The following RAB20 variants were observed in gnomAD, a reference collection of about 807,000 sequenced individuals.
The protein encoded by RAB20 is RAB20, member RAS oncogene family.
In RAB20, 2 loss-of-function variants were observed where a neutral mutation model predicts 3.7. The ratio of observed to expected loss-of-function variants is 0.54; its 90% confidence interval spans 0.22 to 1.69. The LOEUF (loss-of-function observed/expected upper bound fraction) is 1.69, where lower values mean the gene tolerates loss of function less well. Among genes scored for constraint, RAB20 ranks in the 40% most tolerant of loss-of-function variants. RAB20 has a pLI of 0.19. For missense variants in RAB20, 276 were observed against 311.9 expected (o/e 0.88, Z 0.87); for synonymous variants, 126 against 130.8 (o/e 0.96, Z 0.25).
chr13:110,537,303 C>T (rs1247921094), intron 1 of RAB20, among the ~76,000 whole-genome samples: 1 of 151,946 alleles, frequency 6.6e-6, no homozygotes, highest in Non-Finnish European at 1.5e-5. Flanking sequence ...AGCTACCACG[C>T]CCGGCCGCTT....
intron 1 of RAB20, among the ~76,000 whole-genome samples, chr13:110,536,986 G>T (rs1188265956): frequency 3.7e-5 from 4 of 109,568 alleles, no homozygotes; most frequent in Non-Finnish European, 3.4e-5. Flanking sequence ...GTGTCCAAGT[G>T]TTTTTTTTTG....
intron 1 of RAB20, among the ~76,000 whole-genome samples, chr13:110,558,398 T>TTTTC (rs1555336736): frequency 4.8e-5 from 7 of 145,570 alleles, no homozygotes; most frequent in Admixed American, 6.9e-5. Context: ...TTTTTTTTTT[T>TTTTC]TTGAGACAGA....
chr13:110,535,924 T>C (rs1430669414), intron 1 of RAB20, among the ~76,000 whole-genome samples: 2 of 152,238 alleles, frequency 1.3e-5, no homozygotes, highest in African/African-American at 4.8e-5. Context: ...TTCAAAAATA[T>C]ACATTCAAGT....
intron 1 of RAB20, among the ~76,000 whole-genome samples, chr13:110,559,056 G>A (rs914130638): frequency 1.9e-4 from 29 of 152,190 alleles, no homozygotes; most frequent in African/African-American, 7.0e-4. Flanking sequence ...CAATGGAATA[G>A]GGTAATGTAC....
chr13:110,561,529 AG>A lies in RAB20; in HGVS notation c.-11del, dbSNP rs779087546. On this transcript the variant is annotated 5_prime_UTR_variant, in exon 1 of 2. Transcript: ENST00000267328. ...TGTCGGGCTTCCTCATCTTCCCGTA[AG>A]AACCCCCAGCGCCCCCGCGCCCTCT... 1 of 1,554,530 alleles carries A rather than the reference AG, an allele frequency of 6.4e-7. No individual in the cohort carries two copies. Among genetic ancestry groups the A allele is most frequent in the East Asian group, 2.5e-5 (1 of 40,278 alleles).
intron 1 of RAB20, among the ~76,000 whole-genome samples, chr13:110,557,854 G>A (rs1476184528): frequency 3.9e-5 from 6 of 152,270 alleles, no homozygotes. Flanking sequence ...AAACAAATGT[G>A]GAGAGCATTC....
At chr13:110,540,830 C>T (rs927890768) in intron 1 of RAB20, among the ~76,000 whole-genome samples, 4 of 152,054 alleles carry the variant, frequency 2.6e-5, no homozygotes, top group Middle Eastern at 3.4e-3. Flanking sequence ...GGAATATATA[C>T]GTATCTCTCT....
intron 1 of RAB20, among the ~76,000 whole-genome samples, chr13:110,528,413 C>CAAAA (rs11386477): frequency 4.2e-4 from 51 of 122,174 alleles, no homozygotes; most frequent in Non-Finnish European, 5.0e-4. Context: ...AACTCCATCT[C>CAAAA]AAAAAAAAAA....
Position 110,523,706 on chromosome 13 carries a change from G to T in RAB20, c.664C>A (p.His222Asn). The T allele has an allele frequency of 1.2e-6, 2 of 1,614,076 alleles. No individual in the cohort carries two copies. Among genetic ancestry groups the T allele is most frequent in the Non-Finnish European group, 1.7e-6 (2 of 1,180,054 alleles). The part of the protein sequence containing the change: ...RPSHTVDISS[H>N]KPPKRTRSGC... Reference sequence around the variant, plus strand: ...GATCTGGTCCTCTTGGGTGGCTTATGACTGGATATATCCACTGTGTGTGAC... The same window carrying T: ...GATCTGGTCCTCTTGGGTGGCTTATTACTGGATATATCCACTGTGTGTGAC... Residue 222 changes from histidine to asparagine, a missense_variant, in exon 2 of 2, where the codon CAT becomes AAT. Coordinates refer to ENST00000267328, the MANE Select transcript of RAB20 (RefSeq NM_017817.3).
chr13:110,561,411 C>T lies in RAB20; in HGVS notation c.109G>A (p.Val37Met), dbSNP rs781411622. ...ERRFPDTVST[V>M]GGAFYLKQWR... ...TGCTTCAGGTAGAAGGCGCCGCCCA[C>T]CGTGCTGACCGTGTCCGGGAAGCGC... is the stretch of plus-strand genomic sequence containing the variant. The change falls in exon 1 of 2, where the codon GTG (valine) becomes ATG (methionine). Residue 37 changes from valine (V) to methionine (M), a missense_variant. By Grantham distance (21) the Val-to-Met change is conservative (BLOSUM62 1). Transcript: ENST00000267328. 6.2e-7 allele frequency: 1 copy of T among 1,609,734 alleles called. No individual in the cohort carries two copies.
At chr13:110,548,926 C>A (rs1884901376) in intron 1 of RAB20, among the ~76,000 whole-genome samples, 1 of 152,234 alleles carries the variant, frequency 6.6e-6, no homozygotes, top group East Asian at 1.9e-4. Context: ...TAAATGCCTG[C>A]TGCTCTCACA....
chr13:110,535,642 CT>C (rs1415402134), intron 1 of RAB20, among the ~76,000 whole-genome samples: 2 of 152,254 alleles, frequency 1.3e-5, no homozygotes, highest in African/African-American at 4.8e-5. Context: ...CATTAAATGC[CT>C]GTGCAGTGAC....
chr13:110,523,703 T>A lies in RAB20; in HGVS notation c.667A>T (p.Lys223Ter). 1 of 1,614,174 alleles carries A rather than the reference T, an allele frequency of 6.2e-7. No individual in the cohort carries two copies. Among genetic ancestry groups the A allele is most frequent in the Non-Finnish European group, 8.5e-7 (1 of 1,180,024 alleles). Residue 223 changes from lysine to a stop codon, truncating the protein, a stop_gained, in exon 2 of 2, where the codon AAG becomes TAG. Coordinates refer to ENST00000267328, the MANE Select transcript of RAB20 (RefSeq NM_017817.3). LOFTEE classifies it high-confidence loss of function. ...PSHTVDISSH[K>*]PPKRTRSGCC... Reference sequence around the variant, plus strand: ...CCAGATCTGGTCCTCTTGGGTGGCTTATGACTGGATATATCCACTGTGTGT... The same window carrying A: ...CCAGATCTGGTCCTCTTGGGTGGCTAATGACTGGATATATCCACTGTGTGT...
chr13:110,543,963 T>C (rs1443699330), intron 1 of RAB20, among the ~76,000 whole-genome samples: 1 of 151,964 alleles, frequency 6.6e-6, no homozygotes, highest in Non-Finnish European at 1.5e-5. Flanking sequence ...TTAGTAGAGA[T>C]GTGGTTTCAC....
intron 1 of RAB20, among the ~76,000 whole-genome samples, chr13:110,551,933 A>T (rs1330877932): frequency 1.7e-4 from 7 of 42,312 alleles, no homozygotes; most frequent in African/African-American, 3.1e-4. Flanking sequence ...AAAAAAAAAA[A>T]ATACAAAAAT....
At chr13:110,556,423 C>T (rs749175065) in intron 1 of RAB20, among the ~76,000 whole-genome samples, 3 of 152,214 alleles carry the variant, frequency 2.0e-5, no homozygotes, top group Non-Finnish European at 4.4e-5. Flanking sequence ...TCCCTTCAGC[C>T]TCCAGAAAGG....
intron 1 of RAB20, among the ~76,000 whole-genome samples, chr13:110,527,768 T>C (rs1050796274): frequency 6.6e-6 from 1 of 152,084 alleles, no homozygotes. Flanking sequence ...CAGAAGATGA[T>C]GATCAAAAGC....
At chr13:110,536,115 G>A (rs1452512629) in intron 1 of RAB20, among the ~76,000 whole-genome samples, 1 of 152,198 alleles carries the variant, frequency 6.6e-6, no homozygotes, top group Non-Finnish European at 1.5e-5. Context: ...GACCCCCGGG[G>A]AGGAGACCAT....
chr13:110,526,782 G>C lies in RAB20; in HGVS notation c.173-2585C>G, dbSNP rs149403779. 2.0e-5 allele frequency among the ~76,000 whole-genome samples: 3 copies of C among 152,320 alleles called. No individual in the cohort carries two copies. In the East Asian group the frequency reaches 5.8e-4, roughly 29 times the overall value. ...TGCCAGATGCCTCAGACACTCCAGCGTGATGCCCACGACCCTTCAGACCTG... is the reference window on the plus strand; with the variant it reads ...TGCCAGATGCCTCAGACACTCCAGCCTGATGCCCACGACCCTTCAGACCTG... On this transcript the variant is annotated intron_variant, in intron 1 of 1. Transcript: ENST00000267328.
Sources: gnomAD v4.1 joint callset for allele counts (sites outside exome capture counted in the v4.1 genomes callset) on GRCh38, gnomAD v4.1.1 for gene constraint, MANE v1.5 for transcripts, NCBI Gene and HGNC (gene_info 2026-07-23, HGNC 2026-07-21) for gene names.